ALG14: variants seen among roughly 807,000 people sequenced by gnomAD.
The protein encoded by ALG14 is ALG14 UDP-N-acetylglucosaminyltransferase subunit.
ALG14 carries 17 observed loss-of-function variants against 22.8 expected under a neutral mutation model. The observed-to-expected ratio is 0.75, with a 90% CI of 0.51 to 1.12. The LOEUF is 1.12. ALG14 is among the 50% of genes most tolerant of loss of function. The pLI is 0.00. For missense variants in ALG14, 288 were observed against 271.8 expected (o/e 1.06, Z -0.42); for synonymous variants, 89 against 103.7 (o/e 0.86, Z 0.86).
At position 95,027,952 on chromosome 1, in the gene ALG14, C is replaced by T. The variant is rs947348443; in HGVS notation, c.289-692G>A. Among the ~76,000 whole-genome samples the T allele has an allele frequency of 3.9e-5, 6 of 152,108 alleles. No homozygotes were observed. The East Asian group carries it at 7.7e-4, about 20-fold the overall frequency. Reference sequence around the variant, plus strand: ...AACTGAAATTAGACCAAATATTCTCCAGTAGGGAATGGAGAAGTGCATACA... The same window carrying T: ...AACTGAAATTAGACCAAATATTCTCTAGTAGGGAATGGAGAAGTGCATACA... On this transcript the variant is annotated intron_variant, in intron 2 of 3. Transcript: ENST00000370205.
intron 3 of ALG14, among the ~76,000 whole-genome samples, chr1:94,986,936 C>A (rs1305184583): frequency 6.6e-6 from 1 of 152,086 alleles, no homozygotes; most frequent in Admixed American, 6.6e-5. Flanking sequence ...CATCGAATTC[C>A]CCTGGTGAAA....
chr1:95,039,468 G>A (rs1279958973), intron 2 of ALG14, among the ~76,000 whole-genome samples: 3 of 152,098 alleles, frequency 2.0e-5, no homozygotes, highest in Non-Finnish European at 4.4e-5. Flanking sequence ...GGAGATTTAG[G>A]ACGCTGGAGA....
At chr1:94,998,961 A>G (rs958409117) in intron 3 of ALG14, among the ~76,000 whole-genome samples, 19 of 152,172 alleles carry the variant, frequency 1.2e-4, no homozygotes, top group African/African-American at 4.1e-4. Context: ...TCTCATGGGA[A>G]GCCTGCAGAA....
chr1:94,990,999 G>A (rs1230429233), intron 3 of ALG14, among the ~76,000 whole-genome samples: 1 of 152,216 alleles, frequency 6.6e-6, no homozygotes, highest in Admixed American at 6.5e-5. Context: ...TGAATAACAT[G>A]GTGCTTATGC....
At position 95,052,608 on chromosome 1, in the gene ALG14, AC is replaced by A. The variant is rs370519112; in HGVS notation, c.288+12257del. ...CGCAGTGGCTCACACCTGTAATCCC[AC>A]CACTTTGGGAGGCCGAGGCAGGTGG... On this transcript the variant is annotated intron_variant, in intron 2 of 3. Coordinates refer to ENST00000370205, the MANE Select transcript of ALG14 (RefSeq NM_144988.4). Among the ~76,000 whole-genome samples the A allele has an allele frequency of 2.4e-3, 359 of 152,284 alleles. 1 individual carries two copies. Among genetic ancestry groups the A allele is most frequent in the African/African-American group, 8.4e-3 (348 of 41,562 alleles).
At chr1:95,038,325 C>A (rs890142341) in intron 2 of ALG14, among the ~76,000 whole-genome samples, 2 of 152,124 alleles carry the variant, frequency 1.3e-5, no homozygotes, top group Non-Finnish European at 2.9e-5. Flanking sequence ...CTTGTCTCTA[C>A]TAAAAATACA....
At chr1:95,011,790 T>C (rs184055462) in intron 3 of ALG14, among the ~76,000 whole-genome samples, 1 of 152,336 alleles carries the variant, frequency 6.6e-6, no homozygotes, top group East Asian at 1.9e-4. Flanking sequence ...GACTTCCATA[T>C]AGAACAGGAT....
At chr1:95,024,241 T>A (rs1673749634) in intron 3 of ALG14, among the ~76,000 whole-genome samples, 1 of 152,120 alleles carries the variant, frequency 6.6e-6, no homozygotes, top group Non-Finnish European at 1.5e-5. Flanking sequence ...CCTCCCAAAG[T>A]GCTGGGATTA....
At chr1:95,042,115 T>G (rs1674398320) in intron 2 of ALG14, among the ~76,000 whole-genome samples, 2 of 152,252 alleles carry the variant, frequency 1.3e-5, no homozygotes, top group African/African-American at 2.4e-5. Flanking sequence ...GTTTTGTTTC[T>G]AAAAAATAGC....
Position 95,012,839 on chromosome 1 carries a change from C to A in ALG14, c.420+14290G>T, listed in dbSNP as rs191251751. On this transcript the variant is annotated intron_variant, in intron 3 of 3. Coordinates refer to ENST00000370205, the MANE Select transcript of ALG14 (RefSeq NM_144988.4). ...CTTTCTTGTATTTGTCCTGTTGAAACAATGAAAAACAGGTCAGGCACGGTG... is the reference window on the plus strand; with the variant it reads ...CTTTCTTGTATTTGTCCTGTTGAAAAAATGAAAAACAGGTCAGGCACGGTG... Among the ~76,000 whole-genome samples, 482 of 152,140 alleles carry A rather than the reference C, an allele frequency of 3.2e-3. 1 individual carries two copies. Among genetic ancestry groups the A allele is most frequent in the African/African-American group, 0.011 (465 of 41,520 alleles).
chr1:95,049,027 G>A (rs568019751), intron 2 of ALG14, among the ~76,000 whole-genome samples: 19 of 152,058 alleles, frequency 1.2e-4, no homozygotes, highest in Non-Finnish European at 2.4e-4. Context: ...CACTGATTCA[G>A]AAGAATCAGA....
intron 2 of ALG14, among the ~76,000 whole-genome samples, chr1:95,033,472 T>C (rs192107140): frequency 9.4e-5 from 14 of 149,608 alleles, no homozygotes; most frequent in East Asian, 7.8e-4. Context: ...CACACACACA[T>C]ATATATATAC....
chr1:95,060,727 A>T (rs1257493984), intron 2 of ALG14, among the ~76,000 whole-genome samples: 1 of 152,098 alleles, frequency 6.6e-6, no homozygotes, highest in Non-Finnish European at 1.5e-5. Context: ...AAAAAAAACA[A>T]CAAATAAATA....
chr1:95,051,857 C>T (rs1674763011), intron 2 of ALG14, among the ~76,000 whole-genome samples: 1 of 152,182 alleles, frequency 6.6e-6, no homozygotes, highest in Admixed American at 6.5e-5. Context: ...AATTACAACC[C>T]CCCTTTAACC....
At chr1:95,069,786 C>T (rs536099686) in intron 1 of ALG14, among the ~76,000 whole-genome samples, 1 of 152,336 alleles carries the variant, frequency 6.6e-6, no homozygotes, top group Admixed American at 6.5e-5. Context: ...AAACTAGAAT[C>T]TCTCTTCCCC....
At chr1:95,047,723 T>C (rs1320771279) in intron 2 of ALG14, among the ~76,000 whole-genome samples, 1 of 152,120 alleles carries the variant, frequency 6.6e-6, no homozygotes, top group African/African-American at 2.4e-5. Flanking sequence ...GTCACGCCTG[T>C]AATCCCAGAG....
At chr1:95,052,863 A>C (rs1674796859) in intron 2 of ALG14, among the ~76,000 whole-genome samples, 1 of 152,020 alleles carries the variant, frequency 6.6e-6, no homozygotes. Flanking sequence ...TCTCGAAAAA[A>C]AAAAAAAAAA....
At chr1:95,028,828 G>A (rs1038093753) in intron 2 of ALG14, among the ~76,000 whole-genome samples, 23 of 152,026 alleles carry the variant, frequency 1.5e-4, no homozygotes, top group African/African-American at 5.1e-4. Context: ...AAAATCTGGA[G>A]CTGGAACTAC....
rs1361549711 is a variant in ALG14, at chr1:94,980,721, C to T, written c.*2355G>A. ...TGTTTACCAGAGTAATCTGAATGAT[C>T]AGGAAGATGCAATAACACATGTCTC... On this transcript the variant is annotated 3_prime_UTR_variant, in exon 4 of 4. Coordinates refer to ENST00000370205, the MANE Select transcript of ALG14 (RefSeq NM_144988.4). 1 of 152,134 alleles carries T rather than the reference C, an allele frequency of 6.6e-6. No individual in the cohort carries two copies. Among genetic ancestry groups the T allele is most frequent in the Non-Finnish European group, 1.5e-5 (1 of 68,028 alleles). 9.4% of individuals were successfully genotyped at this position (152,134 alleles called of 1,614,324 possible). A position where few individuals can be genotyped will look rare whatever the true frequency, so the allele number is the denominator to read the frequency against.
Sources: allele counts gnomAD v4.1 joint callset (sites outside exome capture counted in the v4.1 genomes callset), GRCh38; gene constraint gnomAD v4.1.1; transcripts MANE v1.5; gene names NCBI Gene and HGNC (gene_info 2026-07-23, HGNC 2026-07-21).